SGIP1: variants seen among roughly 807,000 people sequenced by gnomAD.
SGIP1 encodes the protein SH3GL interacting endocytic adaptor 1.
Under a neutral mutation model 107.5 loss-of-function variants are expected in SGIP1, and 38 were observed. The ratio of observed to expected loss-of-function variants is 0.35; its 90% CI spans 0.27 to 0.46. SGIP1 has a LOEUF of 0.46. Among genes scored for constraint, SGIP1 ranks in the 20% least tolerant of loss-of-function variants. The pLI, the probability that SGIP1 is intolerant of heterozygous loss-of-function variation, is 1.00. For synonymous variants in SGIP1, 365 were observed against 366.1 expected, an observed-to-expected ratio of 1.00 and a Z score of 0.03; for missense variants, 929 against 1,019.5, an observed-to-expected ratio of 0.91 and a Z score of 1.21.
rs1317680493 is a variant in SGIP1 at position 66,673,570 on chromosome 1, A to G, written c.646+204A>G. 4.6e-5 allele frequency among the ~76,000 whole-genome samples: 7 copies of G among 152,346 alleles called. No homozygotes were observed. The East Asian group carries it at 1.3e-3, about 29-fold the overall frequency. On this transcript the variant is annotated intron_variant, in intron 12 of 24. Coordinates refer to ENST00000371037, the MANE Select transcript of SGIP1 (RefSeq NM_032291.4). The stretch of plus-strand genomic sequence containing the variant: ...TTTTAGGATTTGAAACTTTACTTCC[A>G]GAAATATCTAATAGCTAAGAAGCTC...
intron 4 of SGIP1, among the ~76,000 whole-genome samples, chr1:66,637,648 A>T (rs1445897272): frequency 1.3e-5 from 2 of 151,452 alleles, no homozygotes; most frequent in Non-Finnish European, 1.5e-5. Flanking sequence ...GGAAATTTTC[A>T]CTCTGCCTAG....
chr1:66,658,102 C>T (rs575409240), intron 7 of SGIP1, among the ~76,000 whole-genome samples: 18 of 152,108 alleles, frequency 1.2e-4, no homozygotes, highest in African/African-American at 3.6e-4. Context: ...GAGGGGTAAC[C>T]TTTATCATTT....
chr1:66,566,526 C>A (rs2059664781), intron 1 of SGIP1, among the ~76,000 whole-genome samples: 1 of 151,860 alleles, frequency 6.6e-6, no homozygotes, highest in South Asian at 2.1e-4. Flanking sequence ...TGGAATAGCA[C>A]CATTTAAGAG....
intron 21 of SGIP1, among the ~76,000 whole-genome samples, chr1:66,738,087 T>C (rs965126247): frequency 1.3e-5 from 2 of 152,208 alleles, no homozygotes; most frequent in African/African-American, 4.8e-5. Flanking sequence ...CTTTAGTTAA[T>C]AGATTTCTTA....
intron 1 of SGIP1, among the ~76,000 whole-genome samples, chr1:66,591,805 G>T (rs1365233862): frequency 1.3e-5 from 2 of 152,148 alleles, no homozygotes; most frequent in African/African-American, 2.4e-5. Flanking sequence ...GGGTAATGGT[G>T]GGGAGACAGT....
chr1:66,649,045 TCTC>T lies in SGIP1; in HGVS notation c.459+5329_459+5331del, dbSNP rs572528906. Among the ~76,000 whole-genome samples the T allele has an allele frequency of 2.6e-5, 4 of 152,284 alleles. No homozygotes were observed. The East Asian group carries it at 7.7e-4, about 29-fold the overall frequency. ...CCTAGATTCTTTTAAAAAAACCACT[TCTC>T]CTTTTTTGAGGGTCATGCTCTGCTT... On this transcript the variant is annotated intron_variant, in intron 7 of 24. Coordinates refer to ENST00000371037, the MANE Select transcript of SGIP1 (RefSeq NM_032291.4).
intron 2 of SGIP1, among the ~76,000 whole-genome samples, chr1:66,630,819 GA>G (rs1321056413): frequency 8.4e-4 from 3 of 3,590 alleles, no homozygotes; most frequent in African/African-American, 1.8e-3. Flanking sequence ...AAGAAAGAAA[GA>G]AAGAAAGAAA....
At chr1:66,697,451 T>G (rs2091140166) in intron 18 of SGIP1, among the ~76,000 whole-genome samples, 1 of 152,216 alleles carries the variant, frequency 6.6e-6, no homozygotes, top group East Asian at 1.9e-4. Context: ...TAGTACTGTA[T>G]TATCTTAATC....
chr1:66,626,551 C>T (rs1367459293), intron 2 of SGIP1, among the ~76,000 whole-genome samples: 1 of 152,224 alleles, frequency 6.6e-6, no homozygotes, highest in East Asian at 1.9e-4. Context: ...AATGACATAA[C>T]AGTTTCATTC....
intron 1 of SGIP1, among the ~76,000 whole-genome samples, chr1:66,549,446 G>A (rs911991574): frequency 3.9e-5 from 6 of 152,152 alleles, no homozygotes; most frequent in South Asian, 2.1e-4. Flanking sequence ...TGAAGGAAGC[G>A]TTGAATGGGA....
chr1:66,587,053 T>C (rs2166307), intron 1 of SGIP1, among the ~76,000 whole-genome samples: 28,566 of 152,074 alleles, frequency 0.19, 3,168 homozygotes, highest in African/African-American at 0.31. Flanking sequence ...ATAAGAAATC[T>C]GCTGTCATTA....
At chr1:66,606,568 C>A (rs531835321) in intron 1 of SGIP1, among the ~76,000 whole-genome samples, 1 of 152,166 alleles carries the variant, frequency 6.6e-6, no homozygotes, top group African/African-American at 2.4e-5. Flanking sequence ...GGCTGATTGA[C>A]TGTAATTTAC....
chr1:66,540,868 G>A (rs2054762816), intron 1 of SGIP1, among the ~76,000 whole-genome samples: 1 of 152,280 alleles, frequency 6.6e-6, no homozygotes, highest in Admixed American at 6.5e-5. Flanking sequence ...AACAAAATGA[G>A]ATAATTGATG....
At chr1:66,733,673 T>A in intron 20 of SGIP1, 75 bp from the exon 21 acceptor site, 1 of 1,517,674 alleles carries the variant, frequency 6.6e-7, no homozygotes, top group East Asian at 2.3e-5. Flanking sequence ...AGACGACAAT[T>A]TGCTAAGATG....
intron 1 of SGIP1, among the ~76,000 whole-genome samples, chr1:66,613,123 G>A (rs1046479785): frequency 6.6e-6 from 1 of 152,118 alleles, no homozygotes; most frequent in Admixed American, 6.5e-5. Flanking sequence ...GTCTTTTGGT[G>A]TTGTAGAAAA....
intron 18 of SGIP1, among the ~76,000 whole-genome samples, chr1:66,713,658 A>G (rs1360801754): frequency 2.6e-5 from 4 of 151,948 alleles, no homozygotes; most frequent in Admixed American, 6.6e-5. Flanking sequence ...AATAAACTCC[A>G]TAGGGGGAAG....
intron 2 of SGIP1, chr1:66,628,458 T>C (rs1320843142): frequency 1.3e-5 from 2 of 154,784 alleles, no homozygotes. Flanking sequence ...GGCCAGACAC[T>C]ATACGAGTCA....
chr1:66,682,178 A>G lies in SGIP1; in HGVS notation c.1124A>G (p.Asn375Ser), dbSNP rs1346898043. Residue 375 changes from asparagine to serine, a missense_variant, in exon 15 of 25, where the codon AAT becomes AGT. Around this residue, in one of 2 missense-constraint regions of SGIP1, gnomAD observed 588 missense variants for 588.6 expected, o/e 1.00. Coordinates refer to ENST00000371037, the MANE Select transcript of SGIP1 (RefSeq NM_032291.4). ...GPPRNVLSPL[N>S]LEEVQKKVAE... ...CCTCGCAATGTACTATCGCCGCTCA[A>G]TTTAGAAGAAGTCCAGAAGAAAGTC... The G allele has an allele frequency of 6.2e-7, 1 of 1,614,094 alleles. No homozygotes were observed. Among genetic ancestry groups the G allele is most frequent in the African/African-American group, 1.3e-5 (1 of 74,932 alleles).
At chr1:66,738,824 T>C (rs2094352159) in intron 21 of SGIP1, among the ~76,000 whole-genome samples, 1 of 152,190 alleles carries the variant, frequency 6.6e-6, no homozygotes, top group Non-Finnish European at 1.5e-5. Context: ...ATAGGTGACA[T>C]TTATCAAAAT....
Sources: gnomAD v4.1 joint callset for allele counts (sites outside exome capture counted in the v4.1 genomes callset) on GRCh38, gnomAD v4.1.1 for gene constraint, gnomAD v4.1.1 regional missense constraint, MANE v1.5 for transcripts, NCBI Gene and HGNC (gene_info 2026-07-23, HGNC 2026-07-21) for gene names.